Variants in TRPV3 observed in about 807,000 individuals in gnomAD.
TRPV3 encodes VRL-3.
In TRPV3, 88 loss-of-function variants were observed where a neutral mutation model predicts 87.1. That is an observed-to-expected ratio of 1.01 (90% CI 0.85 to 1.21). The LOEUF (loss-of-function observed/expected upper bound fraction) is 1.21, where lower values mean the gene tolerates loss of function less well. Ranked by LOEUF, TRPV3 falls within the 50% of genes most tolerant of loss-of-function variation. The pLI, the probability that TRPV3 is intolerant of heterozygous loss-of-function variation, is 0.00. For synonymous variants in TRPV3, 438 were observed against 423.3 expected, an observed-to-expected ratio of 1.03 and a Z score of -0.43; for missense variants, 1,054 against 1,030.1, an observed-to-expected ratio of 1.02 and a Z score of -0.32.
intron 2 of TRPV3, among the ~76,000 whole-genome samples, chr17:3,548,338 AC>A (rs1164882456): frequency 1.3e-5 from 2 of 151,972 alleles, no homozygotes; most frequent in Non-Finnish European, 2.9e-5. Context: ...ATCCATGGTC[AC>A]CCCCCAGGGT....
intron 8 of TRPV3, 26 bp downstream of exon 8, chr17:3,532,631 T>C (rs2150791936): frequency 6.2e-7 from 1 of 1,610,736 alleles, no homozygotes; most frequent in Middle Eastern, 1.7e-4. Context: ...CCCGACCTCC[T>C]GCCTCCCCAC....
intron 11 of TRPV3, 90 bp from the exon 12 acceptor site, chr17:3,527,017 C>T (rs1189572473): frequency 1.9e-6 from 2 of 1,039,962 alleles, no homozygotes; most frequent in Admixed American, 2.0e-5. Context: ...GACCAAGACT[C>T]AGTGAGGGTT....
rs58835540 is a variant in TRPV3 at position 3,530,827 on chromosome 17, G to A, written c.1066-624C>T. Among the ~76,000 whole-genome samples the A allele has an allele frequency of 0.11, 16,428 of 151,848 alleles. 2,542 individuals carry two copies. Among genetic ancestry groups the A allele is most frequent in the African/African-American group, 0.34 (14,132 of 41,222 alleles). The stretch of plus-strand genomic sequence containing the variant: ...TCCCAGCACTTTGGGAGGCCGAGGC[G>A]GGTGGATCATTTGAGGTCAGGAGTT... On this transcript the variant is annotated intron_variant, in intron 8 of 17. Coordinates refer to ENST00000576742, the MANE Select transcript of TRPV3 (RefSeq NM_145068.4). The surrounding 1 kb of genome is among the most constrained non-coding windows in gnomAD (Gnocchi z 4.0).
In TRPV3 at chr17:3,557,388, C is replaced by A. The variant is rs116496406; in HGVS notation, c.-3+288G>T. 4.4e-3 allele frequency among the ~76,000 whole-genome samples: 676 copies of A among 152,304 alleles called. 3 individuals carry two copies. The highest frequency in any genetic ancestry group is 0.015 in the African/African-American group (640 of 41,566). Reference sequence around the variant, plus strand: ...GCAGGAGCCTCTCCTCTGCCCCCAGCAGTGGTGAGATTGAGATGTCCCTCC... The same window carrying A: ...GCAGGAGCCTCTCCTCTGCCCCCAGAAGTGGTGAGATTGAGATGTCCCTCC... On this transcript the variant is annotated intron_variant, in intron 1 of 17. Coordinates refer to ENST00000576742, the MANE Select transcript of TRPV3 (RefSeq NM_145068.4). This position sits in a 1 kb window ranked among gnomAD's most constrained non-coding sequence, Gnocchi z 4.5.
chr17:3,541,253 A>G (rs322941), intron 6 of TRPV3, among the ~76,000 whole-genome samples: 69,461 of 151,890 alleles, frequency 0.46, 18,000 homozygotes, highest in East Asian at 0.68. Context: ...CTGTAATCCC[A>G]GTTACTTGGG....
Position 3,528,888 on chromosome 17 carries a change from G to A in TRPV3, c.1350C>T (p.Phe450=). ...AGACGAGGGTCAGGGTGATGTTGTA[G>A]AAGAAATAAAAGCAGAAGGACAGAA... is the stretch of plus-strand genomic sequence containing the variant. The part of the protein sequence containing the change: ...MFFLSFCFYF[F]YNITLTLVSY... Residue 450 remains phenylalanine (F), a synonymous_variant, in exon 10 of 18, where the codon TTC becomes TTT. Transcript: ENST00000576742. The surrounding 1 kb of genome is among the most constrained non-coding windows in gnomAD (Gnocchi z 4.2). 5.0e-6 allele frequency: 8 copies of A among 1,614,222 alleles called. No homozygotes were observed. Among genetic ancestry groups the A allele is most frequent in the Non-Finnish European group, 6.8e-6 (8 of 1,180,042 alleles).
chr17:3,526,941 GGAAA>G lies in TRPV3; in HGVS notation c.1504-18_1504-15del. On this transcript the variant is annotated splice_polypyrimidine_tract_variant and intron_variant, in intron 11 of 17. Transcript: ENST00000576742. Reference sequence around the variant, plus strand: ...GATGGCAATGCCCTAAGGCCAGGAAGGAAAGAAACAGTGCACCCTCTTCATGGCC... The same window carrying G: ...GATGGCAATGCCCTAAGGCCAGGAAGGAAACAGTGCACCCTCTTCATGGCC... The G allele has an allele frequency of 6.2e-7, 1 of 1,606,752 alleles. No homozygotes were observed. The highest frequency in any genetic ancestry group is 8.5e-7 in the Non-Finnish European group (1 of 1,176,310).
intron 2 of TRPV3, chr17:3,546,689 T>C (rs1034386217): frequency 2.2e-6 from 1 of 455,424 alleles, no homozygotes; most frequent in African/African-American, 2.0e-5. Context: ...GATTCAAAGC[T>C]GGGCTAGGCC....
intron 5 of TRPV3, 35 bp from the exon 6 acceptor site, chr17:3,542,733 G>A (rs1567642201): frequency 6.3e-7 from 1 of 1,598,464 alleles, no homozygotes; most frequent in East Asian, 2.2e-5. Flanking sequence ...TTACAGGAGG[G>A]CCCCGGCTGC....
intron 1 of TRPV3, 93 bp from the exon 2 acceptor site, chr17:3,554,945 G>A (rs1193788229): frequency 1.3e-5 from 9 of 702,722 alleles, no homozygotes; most frequent in South Asian, 5.4e-5. Context: ...TCCAGCTCCC[G>A]TTCACACTAC....
chr17:3,517,286 T>G (rs1190210689), intron 15 of TRPV3, among the ~76,000 whole-genome samples: 1 of 151,762 alleles, frequency 6.6e-6, no homozygotes, highest in Non-Finnish European at 1.5e-5. Flanking sequence ...CTGGCCATAA[T>G]TTTTCCAGTC....
intron 13 of TRPV3, among the ~76,000 whole-genome samples, chr17:3,522,971 T>A (rs1017283005): frequency 2.6e-5 from 4 of 151,816 alleles, no homozygotes; most frequent in African/African-American, 9.7e-5. Context: ...TTTGGTACTA[T>A]CTGCAGTTTC....
In TRPV3 at chr17:3,518,278, C is replaced by A. The variant is rs929652922; in HGVS notation, c.2085+298G>T. 3.3e-5 allele frequency among the ~76,000 whole-genome samples: 5 copies of A among 152,214 alleles called. No individual in the cohort carries two copies. Among genetic ancestry groups the A allele is most frequent in the Non-Finnish European group, 7.3e-5 (5 of 68,042 alleles). ...CACCTCCACTGTCCTAGACGCTGTA[C>A]TCCTCTTAATGCAACCTAAGGTCAA... is the stretch of plus-strand genomic sequence containing the variant. On this transcript the variant is annotated intron_variant, in intron 15 of 17. Coordinates refer to ENST00000576742, the MANE Select transcript of TRPV3 (RefSeq NM_145068.4). This position sits in a 1 kb window ranked among gnomAD's most constrained non-coding sequence, Gnocchi z 4.3.
At chr17:3,538,185 C>T (rs529539427) in intron 6 of TRPV3, among the ~76,000 whole-genome samples, 11 of 146,050 alleles carry the variant, frequency 7.5e-5, no homozygotes, top group Non-Finnish European at 1.6e-4. Context: ...AGCAAGACCC[C>T]GTCTCAAAAA....
intron 11 of TRPV3, 41 bp from the exon 12 acceptor site, chr17:3,526,968 G>A (rs1390026499): frequency 6.5e-7 from 1 of 1,540,752 alleles, no homozygotes; most frequent in East Asian, 2.3e-5. Context: ...CCTCTTCATG[G>A]CCCTCAGCAG....
At position 3,554,822 on chromosome 17, in the gene TRPV3, G is replaced by A. The variant is rs1217821066; in HGVS notation, c.29C>T (p.Pro10Leu). 1.4e-5 allele frequency: 22 copies of A among 1,612,608 alleles called. No individual in the cohort carries two copies. Among genetic ancestry groups the A allele is most frequent in the Non-Finnish European group, 1.9e-5 (22 of 1,179,558 alleles). The change falls in exon 2 of 18, where the codon CCT (proline) becomes CTT (leucine). Residue 10 changes from proline (P) to leucine (L), a missense_variant. Physicochemically the swap from Pro to Leu is moderately conservative, Grantham distance 98. Coordinates refer to ENST00000576742, the MANE Select transcript of TRPV3 (RefSeq NM_145068.4). Reference sequence around the variant, plus strand: ...GGCAGCAACTCTCTTGCCCATGAGAGGCACCATCTCCTTGGGGTGGGCTTT... The same window carrying A: ...GGCAGCAACTCTCTTGCCCATGAGAAGCACCATCTCCTTGGGGTGGGCTTT... The part of the protein sequence containing the change: MKAHPKEMV[P>L]LMGKRVAAPS...
intron 2 of TRPV3, 35 bp from the exon 3 acceptor site, chr17:3,545,306 G>A (rs757919252): frequency 4.7e-6 from 7 of 1,501,066 alleles, no homozygotes; most frequent in Middle Eastern, 1.7e-4. Context: ...TTAGGGCCGA[G>A]CCAGGCAGAG....
chr17:3,522,820 C>CAAA (rs772785322), intron 13 of TRPV3, among the ~76,000 whole-genome samples: 1 of 64,704 alleles, frequency 1.5e-5, no homozygotes, highest in African/African-American at 5.1e-5. Context: ...CAGTCACAAA[C>CAAA]AAAAAAAAAA....
chr17:3,517,221 G>A (rs998949670), intron 15 of TRPV3, among the ~76,000 whole-genome samples: 1 of 151,980 alleles, frequency 6.6e-6, no homozygotes. Context: ...GCAGAGGACC[G>A]TTCAAACATC....
Sources: allele counts gnomAD v4.1 joint callset (sites outside exome capture counted in the v4.1 genomes callset), GRCh38; gene constraint gnomAD v4.1.1; non-coding constraint Gnocchi (gnomAD v3.1); transcripts MANE v1.5; gene names NCBI Gene and HGNC (gene_info 2026-07-23, HGNC 2026-07-21).